The following WDR72 variants were observed in gnomAD, a reference collection of about 807,000 sequenced individuals.
WDR72 encodes WD repeat domain 72, also known as WD repeat-containing protein 72.
In WDR72, 120 loss-of-function variants were observed where a neutral mutation model predicts 124.2. The ratio of observed to expected loss-of-function variants is 0.97; its 90% CI spans 0.83 to 1.12. The LOEUF is 1.12. Among genes scored for constraint, WDR72 ranks in the 50% most tolerant of loss-of-function variants. WDR72 has a pLI of 0.00. For missense variants in WDR72, 1,387 were observed against 1,278.8 expected (o/e 1.08, Z -1.29); for synonymous variants, 452 against 441.7 (o/e 1.02, Z -0.29).
intron 3 of WDR72, 25 bp from the exon 4 acceptor site, chr15:53,716,710 T>C (rs1382226311): frequency 1.3e-6 from 2 of 1,535,740 alleles, no homozygotes; most frequent in South Asian, 1.1e-5. Flanking sequence ...CTTTGTGTTA[T>C]TCTCTGTCAT....
At chr15:53,640,408 A>G (rs2014802930) in intron 14 of WDR72, among the ~76,000 whole-genome samples, 1 of 152,132 alleles carries the variant, frequency 6.6e-6, no homozygotes, top group African/African-American at 2.4e-5. Context: ...TAAGTCTCCT[A>G]AAAATCTTAC....
intron 12 of WDR72, among the ~76,000 whole-genome samples, chr15:53,701,754 T>C (rs560339438): frequency 2.5e-4 from 38 of 152,234 alleles, no homozygotes; most frequent in African/African-American, 8.2e-4. Context: ...TAGATTCCTA[T>C]ATTGTTTGAC....
At chr15:53,579,920 G>T (rs1042724024) in intron 18 of WDR72, among the ~76,000 whole-genome samples, 27 of 152,068 alleles carry the variant, frequency 1.8e-4, no homozygotes. Flanking sequence ...TTGAAGTAAG[G>T]ACTTCATTAT....
At chr15:53,612,292 A>G (rs74015828) in intron 16 of WDR72, among the ~76,000 whole-genome samples, 2,069 of 152,260 alleles carry the variant, frequency 0.014, 46 homozygotes, top group African/African-American at 0.048. Flanking sequence ...TATAACTTCT[A>G]TGGAGCTTAC....
intron 13 of WDR72, among the ~76,000 whole-genome samples, chr15:53,673,620 G>A (rs1280295787): frequency 5.3e-5 from 8 of 152,126 alleles, no homozygotes; most frequent in Non-Finnish European, 2.9e-5. Flanking sequence ...TTGTTTCATA[G>A]AAAAGGAAAA....
At chr15:53,589,947 T>C (rs1447705060) in intron 18 of WDR72, among the ~76,000 whole-genome samples, 1 of 152,010 alleles carries the variant, frequency 6.6e-6, no homozygotes, top group East Asian at 1.9e-4. Flanking sequence ...GAAGAATGTA[T>C]ATGGGCAAAA....
upstream of WDR72, among the ~76,000 whole-genome samples, chr15:53,760,889 C>T (rs893684306): frequency 2.6e-5 from 4 of 152,108 alleles, no homozygotes; most frequent in Admixed American, 6.5e-5. Flanking sequence ...TTTGAGAGGG[C>T]GAGGTGGGCA....
chr15:53,583,749 T>C (rs966339528), intron 18 of WDR72, among the ~76,000 whole-genome samples: 3 of 152,110 alleles, frequency 2.0e-5, no homozygotes, highest in African/African-American at 7.2e-5. Context: ...AAATAAATGA[T>C]GCTGCCAAAT....
chr15:53,670,821 C>T (rs528637412), intron 13 of WDR72, among the ~76,000 whole-genome samples: 1 of 152,226 alleles, frequency 6.6e-6, no homozygotes, highest in Non-Finnish European at 1.5e-5. Context: ...CGAGAGAGGT[C>T]CTCACTCAGC....
intron 1 of WDR72, among the ~76,000 whole-genome samples, chr15:53,736,999 AC>A (rs2018374938): frequency 6.4e-3 from 6 of 932 alleles, no homozygotes; most frequent in Non-Finnish European, 0.018. Flanking sequence ...TAGATGTAAA[AC>A]ACACACACAC....
intron 13 of WDR72, among the ~76,000 whole-genome samples, chr15:53,669,240 T>C (rs912345154): frequency 2.0e-5 from 3 of 152,044 alleles, no homozygotes; most frequent in Non-Finnish European, 4.4e-5. Context: ...CAGCAAGACA[T>C]CTCCCTATGG....
At chr15:53,685,864 A>G (rs9745074) in intron 13 of WDR72, among the ~76,000 whole-genome samples, 40,702 of 94,794 alleles carry the variant, frequency 0.43, 10,259 homozygotes, top group East Asian at 0.68. Flanking sequence ...CGGATCTCTC[A>G]CCAGAAACCC....
At chr15:53,565,640 T>G (rs1894268073) in intron 18 of WDR72, among the ~76,000 whole-genome samples, 1 of 151,980 alleles carries the variant, frequency 6.6e-6, no homozygotes, top group African/African-American at 2.4e-5. Flanking sequence ...GCACACACTA[T>G]GATTTATTTT....
At chr15:53,545,759 A>C (rs1242776498) in intron 18 of WDR72, among the ~76,000 whole-genome samples, 1 of 128,646 alleles carries the variant, frequency 7.8e-6, no homozygotes, top group Non-Finnish European at 1.7e-5. Flanking sequence ...TTCGCAACCT[A>C]CTCATCTGAC....
intron 13 of WDR72, among the ~76,000 whole-genome samples, chr15:53,676,591 G>A (rs765005163): frequency 7.2e-5 from 11 of 152,206 alleles, no homozygotes; most frequent in Non-Finnish European, 1.6e-4. Context: ...AGACCTACAA[G>A]TGAAAAGAAC....
chr15:53,615,359 A>T, intron 15 of WDR72, 67 bp downstream of exon 15: 2 of 1,290,554 alleles, frequency 1.5e-6, no homozygotes, highest in Non-Finnish European at 2.2e-6. Flanking sequence ...AGCTAAATAT[A>T]GCAAATAATG....
chr15:53,595,127 T>G, intron 18 of WDR72, among the ~76,000 whole-genome samples: 1 of 152,118 alleles, frequency 6.6e-6, no homozygotes, highest in East Asian at 1.9e-4. Context: ...ATAAAGTAGG[T>G]GTAATATTCT....
intron 3 of WDR72, among the ~76,000 whole-genome samples, chr15:53,722,471 C>T (rs928639908): frequency 1.3e-5 from 2 of 152,162 alleles, no homozygotes; most frequent in African/African-American, 4.8e-5. Context: ...AAGACAAACA[C>T]CTAGACTTTT....
At chr15:53,631,717 A>G (rs975212246) in intron 14 of WDR72, among the ~76,000 whole-genome samples, 1 of 152,198 alleles carries the variant, frequency 6.6e-6, no homozygotes, top group Non-Finnish European at 1.5e-5. Context: ...TCACTTTGTT[A>G]TGCTTTAGCA....
Sources: allele counts gnomAD v4.1 joint callset (sites outside exome capture counted in the v4.1 genomes callset), GRCh38; gene constraint gnomAD v4.1.1; transcripts MANE v1.5; gene names NCBI Gene and HGNC (gene_info 2026-07-23, HGNC 2026-07-21).